The following ZNRF3 variants were observed in gnomAD, a reference collection of about 807,000 sequenced individuals.
ZNRF3 encodes the protein zinc and ring finger 3, also known as E3 ubiquitin-protein ligase ZNRF3.
A neutral mutation model predicts 72.5 loss-of-function variants in ZNRF3; 23 were observed. The observed-to-expected ratio is 0.32, with a 90% confidence interval of 0.23 to 0.45. The LOEUF (loss-of-function observed/expected upper bound fraction) is 0.45, where lower values mean the gene tolerates loss of function less well. Among genes scored for constraint, ZNRF3 ranks in the 20% least tolerant of loss-of-function variants. The pLI is 1.00. For missense variants in ZNRF3, 1,169 were observed against 1,272.1 expected (o/e 0.92, Z 1.23); for synonymous variants, 610 against 545.3 (o/e 1.12, Z -1.65).
chr22:28,901,753 G>A (rs890710107), intron 1 of ZNRF3, among the ~76,000 whole-genome samples: 4 of 148,464 alleles, frequency 2.7e-5, no homozygotes, highest in Non-Finnish European at 4.4e-5. Flanking sequence ...CGATTCTCCT[G>A]CTTCAGTCTC....
intron 2 of ZNRF3, among the ~76,000 whole-genome samples, chr22:29,006,371 G>T (rs1403914199): frequency 1.3e-5 from 2 of 152,030 alleles, no homozygotes; most frequent in African/African-American, 4.8e-5. Flanking sequence ...GTACCGCCAC[G>T]CCTGGCTACT....
At chr22:28,956,422 C>G (rs2035263002) in intron 1 of ZNRF3, among the ~76,000 whole-genome samples, 1 of 140,650 alleles carries the variant, frequency 7.1e-6, no homozygotes. Context: ...TCAAGGGCAT[C>G]TCCTAACTCT....
chr22:28,884,053 G>A lies in ZNRF3; in HGVS notation c.287G>A (p.Gly96Asp). ...SRAGATLSAE[G>D]EIVQMHPLGL... Reference sequence around the variant, plus strand: ...GCCGGGGCCACGCTCAGCGCCGAGGGCGAGATCGTGCAGGTAGCTGCCCGC... The same window carrying A: ...GCCGGGGCCACGCTCAGCGCCGAGGACGAGATCGTGCAGGTAGCTGCCCGC... The change falls in exon 1 of 9, where the codon GGC (glycine) becomes GAC (aspartate). Residue 96 changes from glycine to aspartate, a missense_variant. Physicochemically the swap from Gly to Asp is moderately conservative, Grantham distance 94. This residue lies in a region of ZNRF3 where 386 missense variants were observed against 540.7 expected (regional missense o/e 0.71). Coordinates refer to ENST00000544604, the MANE Select transcript of ZNRF3 (RefSeq NM_001206998.2). The A allele has an allele frequency of 7.8e-7, 1 of 1,280,348 alleles. No homozygotes were observed. The highest frequency in any genetic ancestry group is 1.0e-6 in the Non-Finnish European group (1 of 993,678). The allele number at this position is 1,280,348 out of a possible 1,614,324, so 79.3% of individuals were successfully genotyped here. A position where few individuals can be genotyped will look rare whatever the true frequency, so the allele number is the denominator to read the frequency against.
At chr22:29,006,413 A>G (rs925936638) in intron 2 of ZNRF3, among the ~76,000 whole-genome samples, 1 of 151,984 alleles carries the variant, frequency 6.6e-6, no homozygotes, top group Non-Finnish European at 1.5e-5. Context: ...GGGTTTCACC[A>G]TTTGGTCAGG....
chr22:28,933,512 A>C (rs1347714501), intron 1 of ZNRF3, among the ~76,000 whole-genome samples: 1 of 152,114 alleles, frequency 6.6e-6, no homozygotes. Flanking sequence ...TTCCTCTGCT[A>C]TTATCTGTTA....
At chr22:28,944,949 A>C (rs953267076) in intron 1 of ZNRF3, among the ~76,000 whole-genome samples, 3 of 149,218 alleles carry the variant, frequency 2.0e-5, no homozygotes, top group Non-Finnish European at 4.5e-5. Context: ...AAATAAATAA[A>C]TAAATAAATA....
At chr22:29,027,193 A>C (rs187750975) in intron 2 of ZNRF3, among the ~76,000 whole-genome samples, 241 of 152,222 alleles carry the variant, frequency 1.6e-3, no homozygotes, top group Non-Finnish European at 2.9e-3. Context: ...CCCGGTTCCC[A>C]TTAGTCAATC....
At chr22:29,040,207 TCTCA>T (rs1347471293) in intron 2 of ZNRF3, among the ~76,000 whole-genome samples, 2 of 150,520 alleles carry the variant, frequency 1.3e-5, no homozygotes, top group African/African-American at 2.4e-5. Flanking sequence ...TGAGGCAGAG[TCTCA>T]CTCTGTCGCC....
intron 2 of ZNRF3, among the ~76,000 whole-genome samples, chr22:29,021,559 C>G (rs2036540166): frequency 6.6e-6 from 1 of 151,280 alleles, no homozygotes; most frequent in South Asian, 2.1e-4. Context: ...GAGATCTCGG[C>G]TCACTGCAAC....
intron 3 of ZNRF3, among the ~76,000 whole-genome samples, chr22:29,042,784 T>C (rs1288862234): frequency 2.6e-5 from 4 of 151,158 alleles, no homozygotes. Flanking sequence ...TTTTCTCTTT[T>C]TTTCCCCCGA....
At chr22:28,922,238 C>T (rs1370064829) in intron 1 of ZNRF3, among the ~76,000 whole-genome samples, 1 of 152,074 alleles carries the variant, frequency 6.6e-6, no homozygotes, top group Non-Finnish European at 1.5e-5. Flanking sequence ...TACTTTAAAT[C>T]GGGTTACTTG....
At position 29,046,891 on chromosome 22, in the gene ZNRF3, C is replaced by T; in HGVS notation, c.912+8C>T. On this transcript the variant is annotated splice_region_variant and intron_variant, in intron 6 of 8. Coordinates refer to ENST00000544604, the MANE Select transcript of ZNRF3 (RefSeq NM_001206998.2). Reference sequence around the variant, plus strand: ...AAGTACATTGATGGAGAGGTAATGGCAGAAGCAGGCCCGTCCTGGGTGGGG... The same window carrying T: ...AAGTACATTGATGGAGAGGTAATGGTAGAAGCAGGCCCGTCCTGGGTGGGG... 2 of 1,546,778 alleles carry T rather than the reference C, an allele frequency of 1.3e-6. No homozygotes were observed. Among genetic ancestry groups the T allele is most frequent in the South Asian group, 1.3e-5 (1 of 79,054 alleles).
chr22:29,002,233 C>T (rs538621903), intron 2 of ZNRF3, among the ~76,000 whole-genome samples: 1 of 152,320 alleles, frequency 6.6e-6, no homozygotes, highest in African/African-American at 2.4e-5. Context: ...AATCTCCTCC[C>T]ATTTTTAGCT....
intron 1 of ZNRF3, among the ~76,000 whole-genome samples, chr22:28,981,111 C>G (rs548579464): frequency 6.6e-6 from 1 of 152,188 alleles, no homozygotes; most frequent in African/African-American, 2.4e-5. Flanking sequence ...AATGATTAGG[C>G]GTTCAGAACC....
intron 1 of ZNRF3, among the ~76,000 whole-genome samples, chr22:28,951,046 C>T (rs1329066177): frequency 1.3e-5 from 2 of 152,166 alleles, no homozygotes; most frequent in Non-Finnish European, 2.9e-5. Flanking sequence ...CATCTTTCTA[C>T]CCACTTAAAA....
At chr22:28,987,023 C>G in intron 1 of ZNRF3, 53 bp from the exon 2 acceptor site, 1 of 1,574,408 alleles carries the variant, frequency 6.4e-7, no homozygotes, top group Non-Finnish European at 8.6e-7. Flanking sequence ...CAATATGAGT[C>G]AAGCAAATGT....
chr22:28,990,158 A>G (rs925981609), intron 2 of ZNRF3, among the ~76,000 whole-genome samples: 1 of 152,226 alleles, frequency 6.6e-6, no homozygotes, highest in Non-Finnish European at 1.5e-5. Context: ...GCATGGGCGC[A>G]TCTCTCCAGC....
chr22:28,991,335 A>G (rs1443430167), intron 2 of ZNRF3, among the ~76,000 whole-genome samples: 1 of 147,020 alleles, frequency 6.8e-6, no homozygotes, highest in East Asian at 2.0e-4. Flanking sequence ...GTCAATAGGC[A>G]TGGCCTTAGC....
intron 1 of ZNRF3, among the ~76,000 whole-genome samples, chr22:28,981,985 T>C (rs1325052101): frequency 6.6e-6 from 1 of 151,874 alleles, no homozygotes; most frequent in Non-Finnish European, 1.5e-5. Flanking sequence ...CAATGGAGAC[T>C]CCGTCTAAAA....
Sources: gnomAD v4.1 joint callset for allele counts (sites outside exome capture counted in the v4.1 genomes callset) on GRCh38, gnomAD v4.1.1 for gene constraint, gnomAD v4.1.1 regional missense constraint, MANE v1.5 for transcripts, NCBI Gene and HGNC (gene_info 2026-07-23, HGNC 2026-07-21) for gene names.